The following IL1RAPL1 variants were observed in gnomAD, a reference collection of about 807,000 sequenced individuals.
The protein encoded by IL1RAPL1 is interleukin 1 receptor accessory protein like 1, also known as interleukin-1 receptor accessory protein-like 1.
A neutral mutation model predicts 48.4 loss-of-function variants in IL1RAPL1; 3 were observed. The ratio of observed to expected loss-of-function variants is 0.06; its 90% confidence interval spans 0.03 to 0.16. The LOEUF is 0.16. Among genes scored for constraint, IL1RAPL1 ranks in the 10% least tolerant of loss-of-function variants. The pLI is 1.00. For missense variants in IL1RAPL1, 349 were observed against 530.6 expected, an observed-to-expected ratio of 0.66 and a Z score of 3.36; for synonymous variants, 185 against 187.7, an observed-to-expected ratio of 0.99 and a Z score of 0.12.
chrX:29,021,215 G>GAAAAAAAAAAAAA (rs746008500), intron 2 of IL1RAPL1, among the ~76,000 whole-genome samples: 164 of 41,832 alleles, frequency 3.9e-3, no homozygotes, highest in Middle Eastern at 0.025. Context: ...CCGTCTCAAG[G>GAAAAAAAAAAAAA]AAAAAAAAAA....
At chrX:29,219,067 T>A (rs1368838390) in intron 2 of IL1RAPL1, among the ~76,000 whole-genome samples, 3 of 111,984 alleles carry the variant, frequency 2.7e-5, no homozygotes, top group Non-Finnish European at 5.6e-5. Flanking sequence ...AATTTATAAT[T>A]TTCTGTTGTG....
intron 5 of IL1RAPL1, among the ~76,000 whole-genome samples, chrX:29,657,796 T>A (rs1462176831): frequency 5.5e-5 from 6 of 109,945 alleles, no homozygotes; most frequent in Non-Finnish European, 1.1e-4. Flanking sequence ...TGGAATAGAC[T>A]ATTGTTCCTA....
chrX:29,063,144 G>A (rs1028404783), intron 2 of IL1RAPL1, among the ~76,000 whole-genome samples: 5 of 111,237 alleles, frequency 4.5e-5, no homozygotes, highest in African/African-American at 1.6e-4. Context: ...TTTCCTGATG[G>A]ATGTGGAGTT....
chrX:29,112,793 G>GTTTT (rs774106013), intron 2 of IL1RAPL1, among the ~76,000 whole-genome samples: 6 of 71,310 alleles, frequency 8.4e-5, no homozygotes, highest in Non-Finnish European at 1.2e-4. Flanking sequence ...GTCAACTTTG[G>GTTTT]TTTTTTTTTT....
intron 6 of IL1RAPL1, among the ~76,000 whole-genome samples, chrX:29,806,227 G>GCA (rs773510388): frequency 0.039 from 4,376 of 111,075 alleles, 206 homozygotes; most frequent in African/African-American, 0.13. Context: ...GTGCACGCGT[G>GCA]CACACACACA....
chrX:29,803,625 ATATATGTG>A (rs2147173194), intron 6 of IL1RAPL1, among the ~76,000 whole-genome samples: 1 of 103,386 alleles, frequency 9.7e-6, no homozygotes, highest in African/African-American at 3.5e-5. Flanking sequence ...GTATATATGT[ATATATGTG>A]TATATATATA....
rs758837152 is a variant in IL1RAPL1 at position 28,951,212 on chromosome X, T to G, written c.82+161787T>G. Among the ~76,000 whole-genome samples, 336 of 105,768 alleles carry G rather than the reference T, an allele frequency of 3.2e-3. 3 individuals carry two copies. The highest frequency in any genetic ancestry group is 0.011 in the African/African-American group (310 of 29,128). The allele number at this position is 105,768 out of a possible 115,157, so 91.8% of individuals were successfully genotyped here. On this transcript the variant is annotated intron_variant, in intron 2 of 10. Transcript: ENST00000378993. ...GGGTGCAGCGCACCAGCATGGCACA[T>G]GTATACATATGTAACTAATCTGCAC...
intron 1 of IL1RAPL1, chrX:28,659,359 C>T: frequency 1.8e-6 from 1 of 550,698 alleles, no homozygotes. Context: ...GATGAGGTTT[C>T]TCCACCCCTC....
At chrX:29,102,907 G>A (rs775320764) in intron 2 of IL1RAPL1, among the ~76,000 whole-genome samples, 1 of 110,711 alleles carries the variant, frequency 9.0e-6, no homozygotes, top group Non-Finnish European at 1.9e-5. Context: ...AAATACCTAG[G>A]AATTAACCAA....
chrX:28,640,998 T>G (rs1173282717), intron 1 of IL1RAPL1, among the ~76,000 whole-genome samples: 2 of 110,699 alleles, frequency 1.8e-5, no homozygotes, highest in Non-Finnish European at 3.8e-5. Context: ...GTGTCTCTAA[T>G]AAGATGGCCA....
intron 8 of IL1RAPL1, among the ~76,000 whole-genome samples, chrX:29,930,884 G>A (rs929224308): frequency 8.9e-6 from 1 of 111,929 alleles, no homozygotes; most frequent in African/African-American, 3.2e-5. Context: ...TTCATATGCT[G>A]AAAATCAATA....
At chrX:29,924,506 A>C (rs1932870326) in intron 8 of IL1RAPL1, among the ~76,000 whole-genome samples, 2 of 112,426 alleles carry the variant, frequency 1.8e-5, no homozygotes, top group Non-Finnish European at 3.8e-5. Flanking sequence ...AATTAAATGA[A>C]CAGGAAATAA....
At chrX:29,073,629 A>C in intron 2 of IL1RAPL1, among the ~76,000 whole-genome samples, 2 of 111,556 alleles carry the variant, frequency 1.8e-5, no homozygotes, top group Non-Finnish European at 3.8e-5. Context: ...ATACTGTCTG[A>C]TTCTTCAAAG....
chrX:29,935,396 C>A (rs1014997348), intron 8 of IL1RAPL1, among the ~76,000 whole-genome samples: 3 of 111,049 alleles, frequency 2.7e-5, no homozygotes, highest in Admixed American at 9.6e-5. Context: ...CTATATCGTT[C>A]ATTTCATATT....
chrX:29,438,755 A>T (rs1934509873), intron 5 of IL1RAPL1, among the ~76,000 whole-genome samples: 1 of 111,234 alleles, frequency 9.0e-6, no homozygotes, highest in Non-Finnish European at 1.9e-5. Flanking sequence ...GTATGATTTC[A>T]ATTATTTTAA....
intron 2 of IL1RAPL1, among the ~76,000 whole-genome samples, chrX:28,877,369 A>G (rs181231221): frequency 8.9e-6 from 1 of 112,785 alleles, no homozygotes; most frequent in Admixed American, 9.4e-5. Context: ...TTCACTTCTT[A>G]TGTGAAAACA....
intron 2 of IL1RAPL1, among the ~76,000 whole-genome samples, chrX:29,141,550 A>G (rs1336520486): frequency 2.7e-5 from 3 of 111,741 alleles, no homozygotes; most frequent in African/African-American, 9.7e-5. Flanking sequence ...ACTCTTACAT[A>G]TATTCTTTAT....
At chrX:28,919,978 A>G (rs1345734364) in intron 2 of IL1RAPL1, among the ~76,000 whole-genome samples, 1 of 112,154 alleles carries the variant, frequency 8.9e-6, no homozygotes, top group Non-Finnish European at 1.9e-5. Context: ...ACTGGCAGGC[A>G]ATAAATTTCA....
At chrX:29,939,574 G>C (rs1933090012) in intron 8 of IL1RAPL1, among the ~76,000 whole-genome samples, 1 of 111,928 alleles carries the variant, frequency 8.9e-6, no homozygotes, top group African/African-American at 3.2e-5. Flanking sequence ...TATTTTTGTA[G>C]TACTGTCTTG....
Sources: allele counts gnomAD v4.1 joint callset (sites outside exome capture counted in the v4.1 genomes callset), GRCh38; gene constraint gnomAD v4.1.1; transcripts MANE v1.5; gene names NCBI Gene and HGNC (gene_info 2026-07-23, HGNC 2026-07-21).